The following RAD51B variants were observed in gnomAD, a reference collection of about 807,000 sequenced individuals.
The protein encoded by RAD51B is DNA repair protein RAD51 homolog 2.
A neutral mutation model predicts 42.2 loss-of-function variants in RAD51B; 38 were observed. That is an observed-to-expected ratio of 0.90 (90% CI 0.70 to 1.18). The LOEUF (loss-of-function observed/expected upper bound fraction) is 1.18, where lower values mean the gene tolerates loss of function less well. Ranked by LOEUF, RAD51B falls within the 50% of genes most tolerant of loss-of-function variation. The probability of loss-of-function intolerance (pLI) is 0.00; values close to 1 mark genes in which losing one functional copy is unlikely to be tolerated. For synonymous variants in RAD51B, 154 were observed against 145.2 expected (o/e 1.06, Z -0.43); for missense variants, 373 against 400.7 (o/e 0.93, Z 0.59).
At chr14:68,627,852 T>C (rs987917989) in intron 10 of RAD51B, among the ~76,000 whole-genome samples, 5 of 152,250 alleles carry the variant, frequency 3.3e-5, no homozygotes, top group African/African-American at 1.2e-4. Context: ...ATACATTTCT[T>C]GGTTCATGAC....
chr14:68,380,347 C>G (rs1338695518), intron 8 of RAD51B, among the ~76,000 whole-genome samples: 1 of 152,164 alleles, frequency 6.6e-6, no homozygotes, highest in Non-Finnish European at 1.5e-5. Flanking sequence ...TGAAACACAC[C>G]TGATTAACTG....
At chr14:68,610,596 C>T (rs529588527) in intron 10 of RAD51B, among the ~76,000 whole-genome samples, 1 of 152,346 alleles carries the variant, frequency 6.6e-6, no homozygotes, top group East Asian at 1.9e-4. Flanking sequence ...GTGCTCACAC[C>T]ATAGCCACCT....
intron 8 of RAD51B, among the ~76,000 whole-genome samples, chr14:68,308,906 C>G (rs1400768075): frequency 6.6e-6 from 1 of 152,082 alleles, no homozygotes; most frequent in Non-Finnish European, 1.5e-5. Context: ...AATGTACTTT[C>G]TATTGGAAAA....
At chr14:67,823,657 A>G in intron 2 of RAD51B, 30 bp downstream of exon 2, 1 of 1,532,106 alleles carries the variant, frequency 6.5e-7, no homozygotes, top group Non-Finnish European at 9.0e-7. Flanking sequence ...TTTATTGATA[A>G]GTTTTATGCA....
intron 7 of RAD51B, among the ~76,000 whole-genome samples, chr14:67,966,452 T>G (rs1881641536): frequency 6.6e-6 from 1 of 152,246 alleles, no homozygotes; most frequent in Admixed American, 6.5e-5. Flanking sequence ...AATTAGTTCT[T>G]ACTATATAAG....
At chr14:68,498,607 G>T (rs931955523) in intron 10 of RAD51B, among the ~76,000 whole-genome samples, 17 of 152,076 alleles carry the variant, frequency 1.1e-4, no homozygotes, top group African/African-American at 3.9e-4. Context: ...GAAATAGGAG[G>T]AACACCTTTA....
At chr14:67,974,236 TA>T (rs1268909148) in intron 7 of RAD51B, among the ~76,000 whole-genome samples, 1 of 152,116 alleles carries the variant, frequency 6.6e-6, no homozygotes, top group Non-Finnish European at 1.5e-5. Context: ...GGGACCAGGC[TA>T]AATTTTAGGG....
At chr14:68,437,577 C>G (rs1466694679) in intron 9 of RAD51B, among the ~76,000 whole-genome samples, 2 of 152,174 alleles carry the variant, frequency 1.3e-5, no homozygotes, top group Middle Eastern at 3.4e-3. Flanking sequence ...TGTTGAACAC[C>G]TCCCCTTTCC....
intron 7 of RAD51B, among the ~76,000 whole-genome samples, chr14:68,072,327 A>C (rs1206330574): frequency 2.6e-5 from 4 of 151,092 alleles, no homozygotes; most frequent in Non-Finnish European, 5.9e-5. Flanking sequence ...TTACATTATC[A>C]CAAGGTCCCG....
chr14:67,858,184 C>T (rs1328333442), intron 4 of RAD51B: 3 of 152,350 alleles, frequency 2.0e-5, no homozygotes, highest in African/African-American at 7.2e-5. Flanking sequence ...GGGCAGTTGC[C>T]CTCTGCTGGT....
At chr14:68,014,911 A>T (rs2075750989) in intron 7 of RAD51B, among the ~76,000 whole-genome samples, 1 of 150,136 alleles carries the variant, frequency 6.7e-6, no homozygotes, top group South Asian at 2.1e-4. Context: ...TCAGTCACTT[A>T]TTTGAGAGTG....
intron 4 of RAD51B, among the ~76,000 whole-genome samples, chr14:67,853,256 C>G (rs1360236952): frequency 6.6e-6 from 1 of 152,216 alleles, no homozygotes; most frequent in Admixed American, 6.5e-5. Flanking sequence ...AAGAGTCCAG[C>G]TCAGCTGAGA....
intron 7 of RAD51B, among the ~76,000 whole-genome samples, chr14:67,916,119 G>A (rs1303527854): frequency 6.6e-6 from 1 of 152,142 alleles, no homozygotes; most frequent in Admixed American, 6.5e-5. Flanking sequence ...CTGGCAATCT[G>A]GTTCCCAGAT....
rs145485822 is a variant in RAD51B, at chr14:68,086,313, C to G, written c.756+199109C>G. Among the ~76,000 whole-genome samples the G allele has an allele frequency of 3.4e-3, 516 of 152,244 alleles. 6 individuals are homozygous for G. The highest frequency in any genetic ancestry group is 0.012 in the African/African-American group (485 of 41,550). ...GCGTTCCTCTCGCTGTCCAGCTGCC[C>G]GTGTGTTCCTCGGCTCGTGTGCTCC... On this transcript the variant is annotated intron_variant, in intron 7 of 10. Transcript: ENST00000471583.
chr14:68,104,118 G>A (rs1187367148), intron 7 of RAD51B, among the ~76,000 whole-genome samples: 1 of 152,192 alleles, frequency 6.6e-6, no homozygotes, highest in Non-Finnish European at 1.5e-5. Flanking sequence ...GAGTGAGAGA[G>A]TATATGCAAG....
Position 68,062,521 on chromosome 14 carries a change from C to T in RAD51B, c.756+175317C>T, listed in dbSNP as rs887439270. ...AGAATTCAGCAGTGGAGGCTAGGTG[C>T]GGTGGCTCATGCCTGTAATCCCAGC... is the stretch of plus-strand genomic sequence containing the variant. On this transcript the variant is annotated intron_variant, in intron 7 of 10. Coordinates refer to ENST00000471583, the MANE Select transcript of RAD51B (RefSeq NM_133510.4). 7.2e-5 allele frequency among the ~76,000 whole-genome samples: 11 copies of T among 152,034 alleles called. No individual in the cohort carries two copies. In the East Asian group the frequency reaches 9.7e-4, roughly 13 times the overall value.
chr14:67,833,375 T>G (rs952247216), intron 3 of RAD51B, among the ~76,000 whole-genome samples: 2 of 151,998 alleles, frequency 1.3e-5, no homozygotes, highest in African/African-American at 4.8e-5. Context: ...GACTCTGTCT[T>G]GAACAAAAAA....
intron 10 of RAD51B, among the ~76,000 whole-genome samples, chr14:68,543,080 G>A (rs935660755): frequency 4.6e-5 from 7 of 152,232 alleles, no homozygotes; most frequent in Middle Eastern, 3.4e-3. Context: ...AAGGCCAGTC[G>A]TAAATATTTC....
chr14:67,956,102 A>T (rs1235073323), intron 7 of RAD51B, among the ~76,000 whole-genome samples: 2 of 152,120 alleles, frequency 1.3e-5, no homozygotes, highest in Non-Finnish European at 2.9e-5. Flanking sequence ...CACTTGTTAT[A>T]CTTAAACTGG....
Sources: allele counts gnomAD v4.1 joint callset (sites outside exome capture counted in the v4.1 genomes callset), GRCh38; gene constraint gnomAD v4.1.1; transcripts MANE v1.5; gene names NCBI Gene and HGNC (gene_info 2026-07-23, HGNC 2026-07-21).